DRC11: variants seen among roughly 807,000 people sequenced by gnomAD.
DRC11 encodes the protein IQ and AAA domain-containing protein 1.
chr2:236,389,652 C>T, the DRC11 span, among the ~76,000 whole-genome samples: 11 of 152,270 alleles, frequency 7.2e-5, no homozygotes, highest in East Asian at 1.7e-3. Context: ...AGCTGTAGGC[C>T]GGAGCTGTTC....
chr2:236,326,309 CTTA>C, the DRC11 span, among the ~76,000 whole-genome samples: 2 of 152,114 alleles, frequency 1.3e-5, no homozygotes, highest in African/African-American at 4.8e-5. Flanking sequence ...TGTTCTAGAA[CTTA>C]TTGTGTTCTA....
chr2:236,330,818 T>G, the DRC11 span, among the ~76,000 whole-genome samples: 7 of 152,266 alleles, frequency 4.6e-5, no homozygotes, highest in East Asian at 1.4e-3. This position sits in a 1 kb window ranked among gnomAD's most constrained non-coding sequence, Gnocchi z 5.5. Context: ...AGAGAGGGTG[T>G]TGGGAGAGAT....
the DRC11 span, among the ~76,000 whole-genome samples, chr2:236,340,184 G>A: frequency 6.6e-6 from 1 of 152,204 alleles, no homozygotes; most frequent in African/African-American, 2.4e-5. Flanking sequence ...AGGCTGCAGT[G>A]CAGTTGCACA....
chr2:236,319,226 ACAG>A, the DRC11 span, among the ~76,000 whole-genome samples: 3 of 152,184 alleles, frequency 2.0e-5, no homozygotes, highest in Non-Finnish European at 4.4e-5. The surrounding 1 kb of genome is among the most constrained non-coding windows in gnomAD (Gnocchi z 6.7). Context: ...CAGTAATTGA[ACAG>A]CAGGTGGCGT....
chr2:236,316,554 A>G, the DRC11 span, among the ~76,000 whole-genome samples: 1 of 152,240 alleles, frequency 6.6e-6, no homozygotes, highest in Non-Finnish European at 1.5e-5. This position sits in a 1 kb window ranked among gnomAD's most constrained non-coding sequence, Gnocchi z 6.8. Context: ...CTTCTCACTA[A>G]AAGTATAAAA....
chr2:236,495,540 CAT>C, the DRC11 span, among the ~76,000 whole-genome samples: 1 of 152,072 alleles, frequency 6.6e-6, no homozygotes, highest in East Asian at 1.9e-4. The surrounding 1 kb of genome is among the most constrained non-coding windows in gnomAD (Gnocchi z 5.6). Flanking sequence ...TCTTCCCCAC[CAT>C]ATATGTCTCT....
At chr2:236,402,549 G>T in the DRC11 span, among the ~76,000 whole-genome samples, 19 of 152,332 alleles carry the variant, frequency 1.2e-4, no homozygotes, top group African/African-American at 4.3e-4. The surrounding 1 kb of genome is among the most constrained non-coding windows in gnomAD (Gnocchi z 6.0). Context: ...CATGGGGTGG[G>T]GGGGCATGGC....
At chr2:236,397,409 C>A in the DRC11 span, among the ~76,000 whole-genome samples, 32 of 152,290 alleles carry the variant, frequency 2.1e-4, no homozygotes, top group Non-Finnish European at 4.6e-4. This position sits in a 1 kb window ranked among gnomAD's most constrained non-coding sequence, Gnocchi z 5.0. Flanking sequence ...ATGCCCAGGG[C>A]AGCCACAACT....
chr2:236,365,809 G>A, the DRC11 span, among the ~76,000 whole-genome samples: 4 of 152,148 alleles, frequency 2.6e-5, no homozygotes, highest in East Asian at 7.7e-4. This position sits in a 1 kb window ranked among gnomAD's most constrained non-coding sequence, Gnocchi z 7.4. Context: ...GGGCCCAGGA[G>A]CTGACAGGAC....
chr2:236,408,478 T>C, the DRC11 span: 5 of 738,850 alleles, frequency 6.8e-6, no homozygotes, highest in South Asian at 7.0e-5. The surrounding 1 kb of genome is among the most constrained non-coding windows in gnomAD (Gnocchi z 5.5). Context: ...CTCTAGCCTC[T>C]CCCGGCCCCA....
At chr2:236,367,957 C>G in the DRC11 span, 1 of 541,552 alleles carries the variant, frequency 1.8e-6, no homozygotes, top group Admixed American at 3.2e-5. The surrounding 1 kb of genome is among the most constrained non-coding windows in gnomAD (Gnocchi z 4.8). Context: ...GCCTGTATGT[C>G]CTTCAGCCCA....
At chr2:236,417,241 A>C in the DRC11 span, among the ~76,000 whole-genome samples, 2 of 152,008 alleles carry the variant, frequency 1.3e-5, no homozygotes, top group Non-Finnish European at 2.9e-5. Flanking sequence ...GTTTACCATT[A>C]CCCTCTCTCC....
the DRC11 span, among the ~76,000 whole-genome samples, chr2:236,464,930 G>C: frequency 3.0e-4 from 45 of 152,296 alleles, no homozygotes; most frequent in East Asian, 5.0e-3. Flanking sequence ...AGCTCCCTGA[G>C]GCAAACAGGA....
At chr2:236,436,179 T>C in the DRC11 span, among the ~76,000 whole-genome samples, 3 of 152,246 alleles carry the variant, frequency 2.0e-5, no homozygotes, top group Non-Finnish European at 4.4e-5. Context: ...TTGTGTTAAA[T>C]TCCTGTTTAT....
the DRC11 span, among the ~76,000 whole-genome samples, chr2:236,355,399 T>A: frequency 6.6e-6 from 1 of 152,196 alleles, no homozygotes; most frequent in African/African-American, 2.4e-5. Context: ...ATAGTCTATG[T>A]AAAAAAGAAA....
At chr2:236,469,597 G>A in the DRC11 span, among the ~76,000 whole-genome samples, 1 of 152,228 alleles carries the variant, frequency 6.6e-6, no homozygotes, top group Admixed American at 6.5e-5. This position sits in a 1 kb window ranked among gnomAD's most constrained non-coding sequence, Gnocchi z 5.8. Flanking sequence ...CTGTTAGTAT[G>A]TGTGTATTCA....
the DRC11 span, among the ~76,000 whole-genome samples, chr2:236,356,793 G>T: frequency 6.6e-6 from 1 of 151,394 alleles, no homozygotes; most frequent in Admixed American, 6.6e-5. Context: ...GGTGGCGGGG[G>T]TGGTAGGCAA....
the DRC11 span, among the ~76,000 whole-genome samples, chr2:236,423,725 C>T: frequency 6.6e-6 from 1 of 152,152 alleles, no homozygotes; most frequent in Admixed American, 6.5e-5. Flanking sequence ...GGTTATAAAT[C>T]ATGCTGCTAT....
chr2:236,356,529 GA>G, the DRC11 span, among the ~76,000 whole-genome samples: 2 of 152,230 alleles, frequency 1.3e-5, no homozygotes, highest in Non-Finnish European at 2.9e-5. Flanking sequence ...GACCTAGCGT[GA>G]AATCCAGAGG....
Sources: gnomAD v4.1 joint callset for allele counts (sites outside exome capture counted in the v4.1 genomes callset) on GRCh38, gnomAD v4.1.1 for gene constraint, Gnocchi (gnomAD v3.1) non-coding constraint, MANE v1.5 for transcripts, NCBI Gene and HGNC (gene_info 2026-07-23, HGNC 2026-07-21) for gene names.